The following ATF3 variants were observed in gnomAD, a reference collection of about 807,000 sequenced individuals.
The protein encoded by ATF3 is activating transcription factor 3.
In ATF3, 10 loss-of-function variants were observed where a neutral mutation model predicts 18.4. That is an observed-to-expected ratio of 0.54 (90% CI 0.34 to 0.92). ATF3 has a LOEUF of 0.92. Among genes scored for constraint, ATF3 ranks in the 40% least tolerant of loss-of-function variants. The pLI, the probability that ATF3 is intolerant of heterozygous loss-of-function variation, is 0.02. For missense variants in ATF3, 183 were observed against 222.3 expected (o/e 0.82, Z 1.12); for synonymous variants, 78 against 87.9 (o/e 0.89, Z 0.63).
intron 1 of ATF3, among the ~76,000 whole-genome samples, chr1:212,597,080 T>C (rs6691852): frequency 0.87 from 132,778 of 152,232 alleles, 58,411 homozygotes; most frequent in Middle Eastern, 0.96. Context: ...GATAAGAAAA[T>C]AGACATTAAG....
intron 1 of ATF3, among the ~76,000 whole-genome samples, chr1:212,602,153 G>A (rs895641333): frequency 1.3e-5 from 2 of 152,144 alleles, no homozygotes; most frequent in Non-Finnish European, 2.9e-5. Context: ...AGTTCTATCT[G>A]ACCACAGGTT....
rs978620742 is a variant in ATF3 at position 212,608,789 on chromosome 1, C to G, written c.-146C>G. 6.6e-6 allele frequency: 1 copy of G among 152,536 alleles called. No individual in the cohort carries two copies. The highest frequency in any genetic ancestry group is 6.5e-5 in the Admixed American group (1 of 15,288). The allele number at this position is 152,536 out of a possible 1,614,324, so 9.4% of individuals were successfully genotyped here. A position where few individuals can be genotyped will look rare whatever the true frequency, so the allele number is the denominator to read the frequency against. On this transcript the variant is annotated 5_prime_UTR_variant, in exon 1 of 4. Transcript: ENST00000341491. ...GTCGCACGCAGCCAGGCGCGCACTGCACAGCTCTCTTCTCTCGCCGCCGCC... is the reference window on the plus strand; with the variant it reads ...GTCGCACGCAGCCAGGCGCGCACTGGACAGCTCTCTTCTCTCGCCGCCGCC...
chr1:212,582,126 G>C (rs1361423274), intron 1 of ATF3, among the ~76,000 whole-genome samples: 1 of 152,138 alleles, frequency 6.6e-6, no homozygotes, highest in Non-Finnish European at 1.5e-5. Context: ...ATTTCAAATA[G>C]AAACAAAGAA....
At chr1:212,604,502 G>A (rs932318364), upstream of ATF3, among the ~76,000 whole-genome samples, 9 of 152,200 alleles carry the variant, frequency 5.9e-5, no homozygotes, top group Admixed American at 3.9e-4. Context: ...CCTAGTCCAT[G>A]GGGGTGAAAA....
intron 1 of ATF3, among the ~76,000 whole-genome samples, chr1:212,590,156 AG>A (rs1664855336): frequency 6.6e-6 from 1 of 152,148 alleles, no homozygotes; most frequent in African/African-American, 2.4e-5. Flanking sequence ...AAAACAATAT[AG>A]GAACTGTGTC....
intron 1 of ATF3, among the ~76,000 whole-genome samples, chr1:212,589,197 A>G (rs1664837444): frequency 6.6e-6 from 1 of 152,218 alleles, no homozygotes; most frequent in South Asian, 2.1e-4. Flanking sequence ...CACAGTCATA[A>G]TAATGCAAAC....
intron 1 of ATF3, among the ~76,000 whole-genome samples, chr1:212,570,398 CA>C (rs1169149093): frequency 6.6e-6 from 1 of 152,018 alleles, no homozygotes; most frequent in Non-Finnish European, 1.5e-5. Flanking sequence ...ATGGATCATT[CA>C]GTAAGTTTTG....
chr1:212,600,696 C>T lies in ATF3; in HGVS notation c.-4-14322C>T, dbSNP rs376833376. Among the ~76,000 whole-genome samples, 32 of 152,332 alleles carry T rather than the reference C, an allele frequency of 2.1e-4. No individual in the cohort carries two copies. The East Asian group carries it at 3.9e-3, about 18-fold the overall frequency. On this transcript the variant is annotated intron_variant, in intron 1 of 3. Coordinates refer to the ATF3 transcript ENST00000366981. ...TCTTGCCAGCTTTCCTGGGCAGAGC[C>T]GTCCTGCCCCACTTTAGCCCTTGCT...
At chr1:212,606,299 T>C (rs181425246), upstream of ATF3, among the ~76,000 whole-genome samples, 205 of 152,354 alleles carry the variant, frequency 1.3e-3, 1 homozygote, top group African/African-American at 4.8e-3. Context: ...TCAAGATTCT[T>C]ATCACTTTTC....
chr1:212,597,458 C>CA (rs1324298411), intron 1 of ATF3, among the ~76,000 whole-genome samples: 93 of 147,736 alleles, frequency 6.3e-4, no homozygotes, highest in African/African-American at 9.8e-4. Flanking sequence ...TATCATCTAT[C>CA]TCTCTATCTA....
In ATF3 at chr1:212,618,548, C is replaced by T; in HGVS notation, c.348+314C>T. 1 of 432,610 alleles carries T rather than the reference C, an allele frequency of 2.3e-6. No individual in the cohort carries two copies. The highest frequency in any genetic ancestry group is 4.2e-6 in the Non-Finnish European group (1 of 236,004). The allele number at this position is 432,610 out of a possible 1,614,324, so 26.8% of individuals were successfully genotyped here. Reference sequence around the variant, plus strand: ...CATGCCAGCCCAGTTAAAGAGGCTTCACTTGACTGTTTTCCTGAGAAAAGG... The same window carrying T: ...CATGCCAGCCCAGTTAAAGAGGCTTTACTTGACTGTTTTCCTGAGAAAAGG... On this transcript the variant is annotated intron_variant, in intron 3 of 3. Transcript: ENST00000341491. This position sits in a 1 kb window ranked among gnomAD's most constrained non-coding sequence, Gnocchi z 4.4.
chr1:212,613,380 T>C (rs570474826), intron 1 of ATF3: 1 of 152,194 alleles, frequency 6.6e-6, no homozygotes, highest in Non-Finnish European at 1.5e-5. Context: ...AGAATAATAT[T>C]TGTTTGTTTT....
In ATF3 at chr1:212,615,208, G is replaced by A. The variant is rs1655062293; in HGVS notation, c.187G>A (p.Glu63Lys). The A allele has an allele frequency of 6.2e-7, 1 of 1,614,072 alleles. No individual in the cohort carries two copies. The highest frequency in any genetic ancestry group is 8.5e-7 in the Non-Finnish European group (1 of 1,180,048). Residue 63 changes from glutamate to lysine, a missense_variant, in exon 2 of 4, where the codon GAA becomes AAA. By Grantham distance (56) the Glu-to-Lys change is moderately conservative (BLOSUM62 1). Coordinates refer to ENST00000341491, the MANE Select transcript of ATF3 (RefSeq NM_001674.4). ...HLCHRMSSALESVTVSDRPLG... is the reference protein window; with the variant it reads ...HLCHRMSSALKSVTVSDRPLG... ...CTGCCACCGGATGTCCTCTGCGCTG[G>A]AATCAGTCACTGTCAGCGACAGACC...
chr1:212,617,821 T>C (rs976169101), intron 2 of ATF3, among the ~76,000 whole-genome samples: 2 of 152,234 alleles, frequency 1.3e-5, no homozygotes, highest in African/African-American at 4.8e-5. Flanking sequence ...AGTTATCAAT[T>C]TGCATATTAT....
chr1:212,591,190 T>A (rs1049348532), intron 1 of ATF3, among the ~76,000 whole-genome samples: 2 of 152,178 alleles, frequency 1.3e-5, no homozygotes, highest in African/African-American at 4.8e-5. Flanking sequence ...CCCCACCTTC[T>A]TAAGGGCATG....
At chr1:212,605,905 C>T (rs1286280465), upstream of ATF3, among the ~76,000 whole-genome samples, 2 of 152,182 alleles carry the variant, frequency 1.3e-5, no homozygotes, top group Admixed American at 1.3e-4. Context: ...AGGATTAACC[C>T]CTGAAATCAC....
intron 1 of ATF3, among the ~76,000 whole-genome samples, chr1:212,591,500 C>G (rs1028534153): frequency 2.6e-5 from 4 of 152,168 alleles, no homozygotes; most frequent in African/African-American, 4.8e-5. Context: ...TCTTTAGACA[C>G]TCGATGGCCA....
At chr1:212,567,696 G>A (rs1255612338) in intron 1 of ATF3, among the ~76,000 whole-genome samples, 1 of 152,188 alleles carries the variant, frequency 6.6e-6, no homozygotes, top group African/African-American at 2.4e-5. Context: ...ATAGTCTAAG[G>A]TTGTGCTGCT....
chr1:212,587,946 G>A (rs1206548944), intron 1 of ATF3, among the ~76,000 whole-genome samples: 1 of 151,970 alleles, frequency 6.6e-6, no homozygotes, highest in Non-Finnish European at 1.5e-5. Context: ...CACCTGCTGG[G>A]GCGGCGGGGG....
Sources: allele counts gnomAD v4.1 joint callset (sites outside exome capture counted in the v4.1 genomes callset), GRCh38; gene constraint gnomAD v4.1.1; non-coding constraint Gnocchi (gnomAD v3.1); transcripts MANE v1.5; gene names NCBI Gene and HGNC (gene_info 2026-07-23, HGNC 2026-07-21).